USP43: variants seen among roughly 807,000 people sequenced by gnomAD.
USP43 encodes the protein ubiquitin specific peptidase 43, also known as ubiquitin carboxyl-terminal hydrolase 43.
Under a neutral mutation model 90.7 loss-of-function variants are expected in USP43, and 33 were observed. The observed-to-expected ratio is 0.36, with a 90% CI of 0.28 to 0.49. The LOEUF is 0.49. USP43 is among the 20% of genes least tolerant of loss of function. The pLI, the probability that USP43 is intolerant of heterozygous loss-of-function variation, is 0.98. For missense variants in USP43, 1,274 were observed against 1,476.4 expected (o/e 0.86, Z 2.25); for synonymous variants, 598 against 615.8 (o/e 0.97, Z 0.43).
chr17:9,695,757 C>T (rs1328364523), intron 9 of USP43, among the ~76,000 whole-genome samples: 1 of 152,178 alleles, frequency 6.6e-6, no homozygotes, highest in African/African-American at 2.4e-5. Context: ...AAACTCTGTA[C>T]CCATCACACA....
chr17:9,647,389 A>G (rs535321615), intron 1 of USP43: 4 of 152,292 alleles, frequency 2.6e-5, no homozygotes, highest in East Asian at 1.9e-4. Context: ...AAGAGGCAGT[A>G]TAGTATAGTG....
Position 9,681,363 on chromosome 17 carries a change from T to C in USP43, c.1105+997T>C, listed in dbSNP as rs1445397299. The stretch of plus-strand genomic sequence containing the variant: ...ATATATATAAATAAAATAAATAAAA[T>C]AAATAAATATATATAAATAAATATA... On this transcript the variant is annotated intron_variant, in intron 6 of 14. Transcript: ENST00000285199. Among the ~76,000 whole-genome samples, 190 of 113,646 alleles carry C rather than the reference T, an allele frequency of 1.7e-3. 1 individual carries two copies. The highest frequency in any genetic ancestry group is 6.2e-3 in the African/African-American group (187 of 29,932). The allele number at this position is 113,646 out of a possible 152,430, so 74.6% of individuals were successfully genotyped here.
In USP43 at chr17:9,701,563, G is replaced by A. The variant is rs1454513872; in HGVS notation, c.1874G>A (p.Ser625Asn). 3 of 1,567,406 alleles carry A rather than the reference G, an allele frequency of 1.9e-6. No individual in the cohort carries two copies. Among genetic ancestry groups the A allele is most frequent in the Non-Finnish European group, 2.6e-6 (3 of 1,156,514 alleles). Reference sequence around the variant, plus strand: ...CCCCATGTGGCCCAGAGAAGCACCAGCCCTGAGGCAGGACTGGGCCCCTGG... The same window carrying A: ...CCCCATGTGGCCCAGAGAAGCACCAACCCTGAGGCAGGACTGGGCCCCTGG... ...MAPHVAQRSTSPEAGLGPWPS... is the reference protein window; with the variant it reads ...MAPHVAQRSTNPEAGLGPWPS... Residue 625 changes from serine to asparagine, a missense_variant, in exon 12 of 15, where the codon AGC becomes AAC. Transcript: ENST00000285199. This position sits in a 1 kb window ranked among gnomAD's most constrained non-coding sequence, Gnocchi z 7.2.
chr17:9,728,802 G>T lies in USP43; in HGVS notation c.3184G>T (p.Asp1062Tyr). 1.9e-6 allele frequency: 3 copies of T among 1,612,550 alleles called. No homozygotes were observed. The highest frequency in any genetic ancestry group is 2.5e-6 in the Non-Finnish European group (3 of 1,179,252). ...ARGLGSRLER[D>Y]VWSAPSSLRL... ...GGGCCTGGGCAGCCGGCTCGAGAGG[G>T]ATGTCTGGTCAGCCCCCAGCTCTCT... The change falls in exon 15 of 15, where the codon GAT (aspartate) becomes TAT (tyrosine). Residue 1062 changes from aspartate to tyrosine, a missense_variant. Physicochemically the swap from Asp to Tyr is radical, Grantham distance 160 (BLOSUM62 -3). Transcript: ENST00000285199. The surrounding 1 kb of genome is among the most constrained non-coding windows in gnomAD (Gnocchi z 6.2).
chr17:9,653,389 A>G (rs1912009462), intron 1 of USP43, among the ~76,000 whole-genome samples: 1 of 152,150 alleles, frequency 6.6e-6, no homozygotes, highest in African/African-American at 2.4e-5. Context: ...GGAGTTCAAG[A>G]CCAGCCTGGC....
intron 4 of USP43, among the ~76,000 whole-genome samples, chr17:9,675,476 G>T (rs373231644): frequency 6.6e-6 from 1 of 152,162 alleles, no homozygotes; most frequent in Admixed American, 6.6e-5. Context: ...GGCACCATGG[G>T]CCGAGTTCTA....
At position 9,691,776 on chromosome 17, in the gene USP43, C is replaced by T. The variant is rs554721031; in HGVS notation, c.1354-1351C>T. Among the ~76,000 whole-genome samples, 29 of 151,994 alleles carry T rather than the reference C, an allele frequency of 1.9e-4. 2 individuals are homozygous for T. Among genetic ancestry groups the T allele is most frequent in the Admixed American group, 1.0e-3 (16 of 15,244 alleles). ...ATTAAAAAAAAAATTAGGCCAGGTG[C>T]GGTGGCTCATGCCTGTAATCCCAGC... On this transcript the variant is annotated intron_variant, in intron 8 of 14. Transcript: ENST00000285199.
chr17:9,686,899 C>A lies in USP43; in HGVS notation c.1343C>A (p.Ala448Asp). Residue 448 changes from alanine (A) to aspartate (D), a missense_variant, in exon 8 of 15, where the codon GCC (alanine) becomes GAC (aspartate). This residue lies in a region of USP43 where 253 missense variants were observed against 276.0 expected (regional missense o/e 0.92). Transcript: ENST00000285199. The surrounding 1 kb of genome is among the most constrained non-coding windows in gnomAD (Gnocchi z 5.5). The stretch of plus-strand genomic sequence containing the variant: ...GTCCGCCATCTTATGAAGAGTGAGG[C>A]CCCTGTACAGGTCAGTGGTGTGCAT... ...SKVRHLMKSE[A>D]PVQNLGSLFS... 2 of 1,613,282 alleles carry A rather than the reference C, an allele frequency of 1.2e-6. No individual in the cohort carries two copies.
At chr17:9,651,303 T>C (rs1262470787) in intron 1 of USP43, among the ~76,000 whole-genome samples, 2 of 152,126 alleles carry the variant, frequency 1.3e-5, no homozygotes, top group Non-Finnish European at 2.9e-5. Context: ...GCAATTCTCC[T>C]GTCTCAGCCT....
chr17:9,674,152 T>G lies in USP43; in HGVS notation c.741-739T>G, dbSNP rs891463072. On this transcript the variant is annotated intron_variant, in intron 3 of 14. Transcript: ENST00000285199. This position sits in a 1 kb window ranked among gnomAD's most constrained non-coding sequence, Gnocchi z 4.4. Reference sequence around the variant, plus strand: ...AGCAGGGGAAGAGATGGTCCTGAGATCCCTTCAGCTTGGAAGTTGGCATGC... The same window carrying G: ...AGCAGGGGAAGAGATGGTCCTGAGAGCCCTTCAGCTTGGAAGTTGGCATGC... Among the ~76,000 whole-genome samples the G allele has an allele frequency of 3.3e-5, 5 of 152,034 alleles. No homozygotes were observed. Among genetic ancestry groups the G allele is most frequent in the African/African-American group, 1.2e-4 (5 of 41,384 alleles).
intron 5 of USP43, among the ~76,000 whole-genome samples, chr17:9,677,558 C>T (rs927000452): frequency 6.6e-6 from 1 of 152,170 alleles, no homozygotes; most frequent in Non-Finnish European, 1.5e-5. Flanking sequence ...ATTCACAGTG[C>T]CTGGAGGGGC....
At chr17:9,699,323 ACTT>A (rs10556695) in intron 9 of USP43, among the ~76,000 whole-genome samples, 51,249 of 151,588 alleles carry the variant, frequency 0.34, 10,416 homozygotes, top group East Asian at 0.69. Context: ...GGCTGGGAGA[ACTT>A]CTCCCAGACA....
intron 9 of USP43, among the ~76,000 whole-genome samples, chr17:9,697,439 T>G (rs934369171): frequency 6.6e-6 from 1 of 152,114 alleles, no homozygotes; most frequent in Non-Finnish European, 1.5e-5. Flanking sequence ...ACTCAAATAG[T>G]GAGCATAGTA....
chr17:9,728,019 A>C lies in USP43; in HGVS notation c.2401A>C (p.Thr801Pro). Residue 801 changes from threonine (T) to proline (P), a missense_variant, in exon 15 of 15, where the codon ACC becomes CCC. By Grantham distance (38) the Thr-to-Pro change is conservative (BLOSUM62 -1). Coordinates refer to ENST00000285199, the MANE Select transcript of USP43 (RefSeq NM_153210.5). The surrounding 1 kb of genome is among the most constrained non-coding windows in gnomAD (Gnocchi z 6.2). ...CAGAAGCATTAGCATGAAGGCACCCACCACTTCCCGAGCCAAGCAGGGACC... is the reference window on the plus strand; with the variant it reads ...CAGAAGCATTAGCATGAAGGCACCCCCCACTTCCCGAGCCAAGCAGGGACC... The part of the protein sequence containing the change: ...KGRSISMKAP[T>P]TSRAKQGPFK... 6.2e-7 allele frequency: 1 copy of C among 1,613,488 alleles called. No homozygotes were observed. Among genetic ancestry groups the C allele is most frequent in the South Asian group, 1.1e-5 (1 of 91,060 alleles).
chr17:9,680,870 C>T (rs1023771868), intron 6 of USP43, among the ~76,000 whole-genome samples: 7 of 151,032 alleles, frequency 4.6e-5, no homozygotes, highest in African/African-American at 1.7e-4. Flanking sequence ...CAAAATAGTT[C>T]CACTTCTTAA....
intron 6 of USP43, 86 bp downstream of exon 6, chr17:9,680,452 C>T (rs1488877028): frequency 6.7e-7 from 1 of 1,485,902 alleles, no homozygotes; most frequent in Non-Finnish European, 9.2e-7. Flanking sequence ...AGGCATAAAA[C>T]ATCCAATTTT....
intron 9 of USP43, 78 bp downstream of exon 9, chr17:9,693,308 A>G (rs1319423576): frequency 8.6e-7 from 1 of 1,166,624 alleles, no homozygotes; most frequent in Non-Finnish European, 1.3e-6. Flanking sequence ...GTATATGTCA[A>G]TGAGATTGCT....
chr17:9,659,835 A>G (rs891700556), intron 2 of USP43, among the ~76,000 whole-genome samples: 2 of 152,184 alleles, frequency 1.3e-5, no homozygotes, highest in Non-Finnish European at 2.9e-5. Flanking sequence ...CTTAACTTCA[A>G]CACTGTTGGA....
At chr17:9,707,971 A>G (rs370657883) in intron 12 of USP43, among the ~76,000 whole-genome samples, 2 of 152,236 alleles carry the variant, frequency 1.3e-5, no homozygotes, top group African/African-American at 4.8e-5. Flanking sequence ...TGAAAGGGCG[A>G]CTGATTGACT....
Sources: allele counts gnomAD v4.1 joint callset (sites outside exome capture counted in the v4.1 genomes callset), GRCh38; gene constraint gnomAD v4.1.1; regional missense constraint gnomAD v4.1.1; non-coding constraint Gnocchi (gnomAD v3.1); transcripts MANE v1.5; gene names NCBI Gene and HGNC (gene_info 2026-07-23, HGNC 2026-07-21).